Variants in MAPRE2 observed in about 807,000 individuals in gnomAD.
The protein encoded by MAPRE2 is microtubule-associated protein RP/EB family member 2.
MAPRE2 carries 13 observed loss-of-function variants against 43.2 expected under a neutral mutation model. The observed-to-expected ratio is 0.30, with a 90% CI of 0.20 to 0.48. The LOEUF (loss-of-function observed/expected upper bound fraction) is 0.48. Among genes scored for constraint, MAPRE2 ranks in the 20% least tolerant of loss-of-function variants. The pLI is 0.99. For missense variants in MAPRE2, 161 were observed against 400.2 expected, an observed-to-expected ratio of 0.40 and a Z score of 5.10; for synonymous variants, 135 against 148.8, an observed-to-expected ratio of 0.91 and a Z score of 0.68.
rs142865505 is a variant in MAPRE2, at chr18:35,067,635, T to G, written c.123-2560T>G. On this transcript the variant is annotated intron_variant, in intron 1 of 6. Transcript: ENST00000300249. ...GGTTTGGTGCCATCTAGCATAACCC[T>G]GGGCCTCGACACCACATCCTCCATC... Among the ~76,000 whole-genome samples, 554 of 152,278 alleles carry G rather than the reference T, an allele frequency of 3.6e-3. 4 individuals are homozygous for G. Among genetic ancestry groups the G allele is most frequent in the African/African-American group, 0.013 (522 of 41,552 alleles).
chr18:34,997,461 G>A (rs2097027071), intron 1 of MAPRE2, among the ~76,000 whole-genome samples: 1 of 152,112 alleles, frequency 6.6e-6, no homozygotes, highest in Admixed American at 6.5e-5. Flanking sequence ...AAAAGCATAA[G>A]GAGAGAAAAG....
intron 4 of MAPRE2, among the ~76,000 whole-genome samples, chr18:35,105,148 G>A (rs1192406868): frequency 6.6e-6 from 1 of 152,002 alleles, no homozygotes; most frequent in African/African-American, 2.4e-5. Flanking sequence ...TTGATAGAAT[G>A]TCCATGAACC....
rs73412734 is a variant in MAPRE2 at position 35,073,285 on chromosome 18, T to A, written c.250+2963T>A. Among the ~76,000 whole-genome samples, 181 of 152,276 alleles carry A rather than the reference T, an allele frequency of 1.2e-3. 1 individual carries two copies. The highest frequency in any genetic ancestry group is 4.2e-3 in the African/African-American group (175 of 41,572). Reference sequence around the variant, plus strand: ...AGCATTTAGCAGGAAGAAGCTATCTTTCTATTTATTTATTTATGAAATTAT... The same window carrying A: ...AGCATTTAGCAGGAAGAAGCTATCTATCTATTTATTTATTTATGAAATTAT... On this transcript the variant is annotated intron_variant, in intron 2 of 6. Coordinates refer to ENST00000300249, the MANE Select transcript of MAPRE2 (RefSeq NM_014268.4).
At chr18:35,136,449 G>A (rs565262056) in intron 6 of MAPRE2, among the ~76,000 whole-genome samples, 19 of 152,350 alleles carry the variant, frequency 1.2e-4, no homozygotes, top group Admixed American at 1.0e-3. Flanking sequence ...ACTGGAATAT[G>A]TGTCAGATGA....
chr18:35,126,819 A>G, intron 4 of MAPRE2, 129 bp from the exon 5 acceptor site: 1 of 751,200 alleles, frequency 1.3e-6, no homozygotes, highest in East Asian at 2.7e-5. Flanking sequence ...CTCCTTCTAT[A>G]TGGGAAGGGA....
chr18:35,099,402 G>A (rs914458711), intron 3 of MAPRE2, among the ~76,000 whole-genome samples: 1 of 152,164 alleles, frequency 6.6e-6, no homozygotes, highest in Non-Finnish European at 1.5e-5. Flanking sequence ...GTCACTTGAG[G>A]CCAGGAGTTC....
chr18:34,981,887 ATTT>A (rs1261290510), intron 1 of MAPRE2, among the ~76,000 whole-genome samples: 5 of 34,780 alleles, frequency 1.4e-4, no homozygotes, highest in Non-Finnish European at 2.8e-4. Context: ...ATTTTTATTT[ATTT>A]TTTTTTTTTT....
At chr18:35,021,991 A>G (rs969676451) in intron 2 of MAPRE2, among the ~76,000 whole-genome samples, 30 of 152,192 alleles carry the variant, frequency 2.0e-4, no homozygotes, top group African/African-American at 7.2e-4. Context: ...CCTGAATGTT[A>G]TAGACATCAA....
intron 1 of MAPRE2, among the ~76,000 whole-genome samples, chr18:34,994,694 A>G (rs910082594): frequency 6.6e-6 from 1 of 152,222 alleles, no homozygotes; most frequent in African/African-American, 2.4e-5. Context: ...AAATTCAATA[A>G]TAATAATGAT....
intron 1 of MAPRE2, among the ~76,000 whole-genome samples, chr18:35,066,264 G>A (rs976207525): frequency 1.3e-5 from 2 of 152,202 alleles, no homozygotes; most frequent in African/African-American, 4.8e-5. Flanking sequence ...TGAAGTTTGT[G>A]TCCACTTTTG....
intron 1 of MAPRE2, among the ~76,000 whole-genome samples, chr18:35,048,431 T>A (rs1003697945): frequency 6.6e-6 from 1 of 151,832 alleles, no homozygotes; most frequent in Admixed American, 6.6e-5. Context: ...TGTGTGTGTG[T>A]GTATTTATAC....
chr18:35,136,156 A>G (rs1475966049), intron 6 of MAPRE2, among the ~76,000 whole-genome samples: 1 of 152,192 alleles, frequency 6.6e-6, no homozygotes, highest in Non-Finnish European at 1.5e-5. Context: ...GACCTAATGG[A>G]AGTTTCCAGA....
chr18:35,017,900 C>T (rs763434852), intron 2 of MAPRE2, among the ~76,000 whole-genome samples: 1 of 151,666 alleles, frequency 6.6e-6, no homozygotes, highest in Non-Finnish European at 1.5e-5. Context: ...TTGTCTTGTT[C>T]CAGTTCTCAA....
Position 35,140,715 on chromosome 18 carries a change from G to A in MAPRE2, c.*346G>A, listed in dbSNP as rs1910597525. The A allele has an allele frequency of 3.8e-6, 1 of 266,218 alleles. No individual in the cohort carries two copies. Among genetic ancestry groups the A allele is most frequent in the Admixed American group, 4.9e-5 (1 of 20,412 alleles). 16.5% of individuals were successfully genotyped at this position (266,218 alleles called of 1,614,324 possible). On this transcript the variant is annotated 3_prime_UTR_variant, in exon 7 of 7. Coordinates refer to ENST00000300249, the MANE Select transcript of MAPRE2 (RefSeq NM_014268.4). ...CCACCACCCCTCTTTTTATCCTGGT[G>A]TGAAACAATGGTAATTTGATATATG...
chr18:35,134,012 T>G (rs1910279927), intron 6 of MAPRE2, among the ~76,000 whole-genome samples: 1 of 152,176 alleles, frequency 6.6e-6, no homozygotes, highest in Non-Finnish European at 1.5e-5. Flanking sequence ...AATAACACTT[T>G]AAGGCCTCAT....
intron 1 of MAPRE2, among the ~76,000 whole-genome samples, chr18:34,996,694 C>G (rs528132471): frequency 6.6e-6 from 1 of 152,184 alleles, no homozygotes; most frequent in South Asian, 2.1e-4. Flanking sequence ...CACCAGAGCC[C>G]CTGATGTACT....
rs1203105267 is a variant in MAPRE2, at chr18:35,140,672, C to T, written c.*303C>T. 5.9e-5 allele frequency: 21 copies of T among 357,500 alleles called. No individual in the cohort carries two copies. The highest frequency in any genetic ancestry group is 9.2e-5 in the Non-Finnish European group (18 of 195,808). The allele number at this position is 357,500 out of a possible 1,614,324, so 22.1% of individuals were successfully genotyped here. A position where few individuals can be genotyped will look rare whatever the true frequency, so the allele number is the denominator to read the frequency against. ...TCATTTCTTTCCAGAACAACTCTTT[C>T]CCACCCCAACACCACTGCCACCACC... On this transcript the variant is annotated 3_prime_UTR_variant, in exon 7 of 7. Transcript: ENST00000300249.
At chr18:35,074,010 T>C (rs1907226161) in intron 2 of MAPRE2, among the ~76,000 whole-genome samples, 1 of 152,218 alleles carries the variant, frequency 6.6e-6, no homozygotes, top group Admixed American at 6.5e-5. Context: ...ATTATATGGG[T>C]ATCTGGTTTT....
At chr18:35,061,785 C>T (rs1017872199) in intron 1 of MAPRE2, among the ~76,000 whole-genome samples, 2 of 152,152 alleles carry the variant, frequency 1.3e-5, no homozygotes, top group African/African-American at 4.8e-5. Flanking sequence ...TCAGAGACAC[C>T]CTCTTTGACT....
Sources: allele counts gnomAD v4.1 joint callset (sites outside exome capture counted in the v4.1 genomes callset), GRCh38; gene constraint gnomAD v4.1.1; transcripts MANE v1.5; gene names NCBI Gene and HGNC (gene_info 2026-07-23, HGNC 2026-07-21).